Variants in STARD13 observed in about 807,000 individuals in gnomAD.
The protein encoded by STARD13 is stAR-related lipid transfer protein 13.
A neutral mutation model predicts 106.4 loss-of-function variants in STARD13; 62 were observed. The observed-to-expected ratio is 0.58, with a 90% confidence interval of 0.48 to 0.72. The LOEUF (loss-of-function observed/expected upper bound fraction) is 0.72. Among genes scored for constraint, STARD13 ranks in the 30% least tolerant of loss-of-function variants. STARD13 has a pLI of 0.00. For synonymous variants in STARD13, 565 were observed against 553.0 expected (o/e 1.02, Z -0.31); for missense variants, 1,387 against 1,424.0 (o/e 0.97, Z 0.42).
chr13:33,283,271 T>C (rs141564952), intron 1 of STARD13, among the ~76,000 whole-genome samples: 1 of 152,268 alleles, frequency 6.6e-6, no homozygotes, highest in African/African-American at 2.4e-5. Flanking sequence ...CAATCATAGG[T>C]TCAGTACTTT....
At chr13:33,452,585 A>G in the STARD13 span, among the ~76,000 whole-genome samples, 1 of 152,170 alleles carries the variant, frequency 6.6e-6, no homozygotes, top group Non-Finnish European at 1.5e-5. Flanking sequence ...GAGTTTCTGA[A>G]TTAGATTCAT....
chr13:33,178,940 T>G (rs1008219570), intron 1 of STARD13, among the ~76,000 whole-genome samples: 1 of 152,172 alleles, frequency 6.6e-6, no homozygotes, highest in African/African-American at 2.4e-5. Context: ...CAAAACATGA[T>G]CCAAATTTGT....
At chr13:33,447,097 A>G in the STARD13 span, among the ~76,000 whole-genome samples, 2 of 152,244 alleles carry the variant, frequency 1.3e-5, no homozygotes, top group South Asian at 4.1e-4. Flanking sequence ...AACAAAACTG[A>G]TTATAGACTT....
chr13:33,363,342 C>T, the STARD13 span, among the ~76,000 whole-genome samples: 1 of 152,208 alleles, frequency 6.6e-6, no homozygotes, highest in Non-Finnish European at 1.5e-5. Flanking sequence ...TGGCAAAACC[C>T]CTCTATCTAG....
chr13:33,194,393 T>C (rs1886466139), intron 1 of STARD13, among the ~76,000 whole-genome samples: 1 of 152,196 alleles, frequency 6.6e-6, no homozygotes, highest in Non-Finnish European at 1.5e-5. Context: ...AGAGGATTAA[T>C]GTTTTCATTA....
At chr13:33,360,355 C>A in the STARD13 span, among the ~76,000 whole-genome samples, 1 of 151,992 alleles carries the variant, frequency 6.6e-6, no homozygotes, top group Non-Finnish European at 1.5e-5. Flanking sequence ...TAGGCGCGTG[C>A]CACCACTCCC....
the STARD13 span, among the ~76,000 whole-genome samples, chr13:33,576,876 T>C: frequency 1.3e-5 from 2 of 152,228 alleles, no homozygotes; most frequent in Non-Finnish European, 2.9e-5. Context: ...CTGGAAGTCA[T>C]TATAAAGGCA....
rs143886031 is a variant in STARD13, at chr13:33,129,684, G to A, written c.993C>T (p.Gly331=). The A allele has an allele frequency of 2.7e-4, 433 of 1,613,988 alleles. No homozygotes were observed. Among genetic ancestry groups the A allele is most frequent in the Non-Finnish European group, 3.2e-4 (377 of 1,180,012 alleles). The change falls in exon 5 of 14, where the codon GGC becomes GGT. Residue 331 remains glycine, a synonymous_variant. Coordinates refer to ENST00000336934, the MANE Select transcript of STARD13 (RefSeq NM_178006.4). ...TGCTGTGCTCCGACGGGCTGCTCTC[G>A]CCACTCGACTTGCCAGAGCATGGGA... is the stretch of plus-strand genomic sequence containing the variant. ...KGLPCSGKSS[G]ESSPSEHSSS... is the part of the protein sequence containing the mutation.
the STARD13 span, among the ~76,000 whole-genome samples, chr13:33,636,277 T>C: frequency 3.9e-5 from 6 of 152,150 alleles, no homozygotes; most frequent in Non-Finnish European, 7.4e-5. Context: ...TGCTTTCTCC[T>C]TAGTCTTCTA....
rs770865812 is a variant in STARD13 at position 33,110,924 on chromosome 13, A to G, written c.2608-17T>C. 1 of 1,602,278 alleles carries G rather than the reference A, an allele frequency of 6.2e-7. No individual in the cohort carries two copies. Among genetic ancestry groups the G allele is most frequent in the South Asian group, 1.1e-5 (1 of 90,832 alleles). ...GTGTGGAACCTAGACCAACGGATGCATGAAAGGGCAACACACTGAGCCAAA... is the reference window on the plus strand; with the variant it reads ...GTGTGGAACCTAGACCAACGGATGCGTGAAAGGGCAACACACTGAGCCAAA... On this transcript the variant is annotated splice_polypyrimidine_tract_variant and intron_variant, in intron 10 of 13. Transcript: ENST00000336934.
chr13:33,402,782 G>T, the STARD13 span, among the ~76,000 whole-genome samples: 1 of 152,218 alleles, frequency 6.6e-6, no homozygotes, highest in African/African-American at 2.4e-5. Flanking sequence ...AGTTCGGCTG[G>T]GGGTGGCCGG....
chr13:33,455,005 A>G, the STARD13 span, among the ~76,000 whole-genome samples: 23 of 152,354 alleles, frequency 1.5e-4, no homozygotes, highest in Non-Finnish European at 1.9e-4. Context: ...GTCCAGAAGG[A>G]TTTGGCTGGC....
In STARD13 at chr13:33,111,636, G is replaced by A. The variant is rs549525331; in HGVS notation, c.2607+142C>T. 34 of 583,670 alleles carry A rather than the reference G, an allele frequency of 5.8e-5. No homozygotes were observed. The South Asian group carries it at 7.3e-4, about 13-fold the overall frequency. The allele number at this position is 583,670 out of a possible 1,614,324, so 36.2% of individuals were successfully genotyped here. A position where few individuals can be genotyped will look rare whatever the true frequency, so the allele number is the denominator to read the frequency against. ...AGCTAGCTCCTCAGCTTTCTTGGAA[G>A]CAAACACCAGAGCTATAACATATAC... On this transcript the variant is annotated intron_variant, in intron 10 of 13. Transcript: ENST00000336934.
the STARD13 span, among the ~76,000 whole-genome samples, chr13:33,370,028 C>T: frequency 6.6e-6 from 1 of 152,136 alleles, no homozygotes; most frequent in Non-Finnish European, 1.5e-5. Flanking sequence ...TAGATGTTTT[C>T]CAGTTGAGCT....
intron 1 of STARD13, among the ~76,000 whole-genome samples, chr13:33,183,882 C>T (rs115585063): frequency 0.019 from 2,893 of 152,268 alleles, 92 homozygotes; most frequent in African/African-American, 0.066. Flanking sequence ...CCAGCCAGTC[C>T]AAGAAGGCAT....
chr13:33,598,265 T>A, the STARD13 span, among the ~76,000 whole-genome samples: 1 of 152,130 alleles, frequency 6.6e-6, no homozygotes, highest in Non-Finnish European at 1.5e-5. Flanking sequence ...ATGAGTCTGG[T>A]TCGATGGTTG....
intron 3 of STARD13, among the ~76,000 whole-genome samples, chr13:33,162,233 C>T (rs1594007459): frequency 6.6e-6 from 1 of 152,326 alleles, no homozygotes; most frequent in East Asian, 1.9e-4. Flanking sequence ...CTGCCTACGA[C>T]ACAGGGCACC....
chr13:33,209,072 A>G (rs563715361), intron 1 of STARD13, among the ~76,000 whole-genome samples: 1 of 152,326 alleles, frequency 6.6e-6, no homozygotes, highest in South Asian at 2.1e-4. Flanking sequence ...GAAGTTTTAG[A>G]CAGAGATTCA....
At chr13:33,593,018 G>A in the STARD13 span, among the ~76,000 whole-genome samples, 2 of 152,102 alleles carry the variant, frequency 1.3e-5, no homozygotes, top group Non-Finnish European at 2.9e-5. Context: ...TAGGAGAGGG[G>A]TGGGAAGAGC....
Sources: allele counts gnomAD v4.1 joint callset (sites outside exome capture counted in the v4.1 genomes callset), GRCh38; gene constraint gnomAD v4.1.1; transcripts MANE v1.5; gene names NCBI Gene and HGNC (gene_info 2026-07-23, HGNC 2026-07-21).